Variants in STAU2 observed in about 807,000 individuals in gnomAD.
The protein encoded by STAU2 is double-stranded RNA-binding protein Staufen homolog 2.
STAU2 carries 20 observed loss-of-function variants against 65.9 expected under a neutral mutation model. The ratio of observed to expected loss-of-function variants is 0.30; its 90% confidence interval spans 0.21 to 0.44. STAU2 has a LOEUF of 0.44. Ranked by LOEUF, STAU2 falls within the 20% of genes least tolerant of loss-of-function variation. The pLI, the probability that STAU2 is intolerant of heterozygous loss-of-function variation, is 1.00. For missense variants in STAU2, 558 were observed against 683.9 expected (o/e 0.82, Z 2.05); for synonymous variants, 232 against 233.9 (o/e 0.99, Z 0.07).
chr8:73,486,495 C>G (rs191484586), intron 13 of STAU2, among the ~76,000 whole-genome samples: 102 of 151,668 alleles, frequency 6.7e-4, no homozygotes, highest in Non-Finnish European at 1.0e-4. Context: ...AAACATACTT[C>G]AGACTGGTTT....
chr8:73,722,475 T>C (rs538331726), intron 3 of STAU2, among the ~76,000 whole-genome samples: 4 of 152,382 alleles, frequency 2.6e-5, no homozygotes, highest in Middle Eastern at 3.4e-3. Flanking sequence ...TGCTTCTGTG[T>C]TGTAAACATC....
intron 6 of STAU2, among the ~76,000 whole-genome samples, chr8:73,622,377 G>C (rs952459857): frequency 1.3e-5 from 2 of 151,970 alleles, no homozygotes; most frequent in Non-Finnish European, 2.9e-5. Context: ...CGCCCGCCTC[G>C]GCCTCTCAAA....
intron 3 of STAU2, among the ~76,000 whole-genome samples, chr8:73,726,376 T>C (rs916691931): frequency 6.6e-6 from 1 of 152,198 alleles, no homozygotes; most frequent in African/African-American, 2.4e-5. Flanking sequence ...AAATCACCAC[T>C]AAAGAACTTA....
At chr8:73,561,492 T>C (rs1252449272) in intron 12 of STAU2, 8 of 451,574 alleles carry the variant, frequency 1.8e-5, no homozygotes, top group African/African-American at 8.0e-5. Flanking sequence ...AAGATCGTTC[T>C]TCTTGGTTAT....
At chr8:73,440,786 T>C (rs2128889990) in intron 13 of STAU2, 1 of 152,318 alleles carries the variant, frequency 6.6e-6, no homozygotes, top group Non-Finnish European at 1.5e-5. Context: ...TCATTTCTCT[T>C]AGAACAAAAC....
intron 12 of STAU2, among the ~76,000 whole-genome samples, chr8:73,570,165 C>T (rs375163809): frequency 3.9e-5 from 6 of 152,136 alleles, no homozygotes; most frequent in South Asian, 4.1e-4. Flanking sequence ...AACTACGTGA[C>T]GCATGCACAA....
chr8:73,480,545 G>C (rs927703946), intron 13 of STAU2, among the ~76,000 whole-genome samples: 1 of 151,978 alleles, frequency 6.6e-6, no homozygotes, highest in Non-Finnish European at 1.5e-5. Context: ...GAGAAAGGAG[G>C]GTCCAATGGA....
At chr8:73,675,833 G>C (rs1019331972) in intron 5 of STAU2, among the ~76,000 whole-genome samples, 2 of 152,208 alleles carry the variant, frequency 1.3e-5, no homozygotes, top group Non-Finnish European at 2.9e-5. Flanking sequence ...AGTGAAATCT[G>C]AAATGGAGTC....
At chr8:73,705,813 A>G (rs1820466167) in intron 4 of STAU2, among the ~76,000 whole-genome samples, 1 of 152,206 alleles carries the variant, frequency 6.6e-6, no homozygotes, top group Non-Finnish European at 1.5e-5. Context: ...TAAACGTAAG[A>G]TAGGTCACTA....
intron 13 of STAU2, among the ~76,000 whole-genome samples, chr8:73,484,271 G>A (rs1282050392): frequency 6.6e-6 from 1 of 152,136 alleles, no homozygotes; most frequent in Non-Finnish European, 1.5e-5. Flanking sequence ...AGAAGACAGT[G>A]TTCTGAGGCT....
At chr8:73,629,608 A>T (rs972972988) in intron 6 of STAU2, among the ~76,000 whole-genome samples, 13 of 152,214 alleles carry the variant, frequency 8.5e-5, no homozygotes, top group Non-Finnish European at 1.8e-4. Context: ...GATTTTAGGC[A>T]ATGCAAATAG....
intron 9 of STAU2, among the ~76,000 whole-genome samples, chr8:73,605,878 T>TACACACACACACACAC (rs58486426): frequency 8.5e-6 from 1 of 117,756 alleles, no homozygotes; most frequent in African/African-American, 3.2e-5. Context: ...CACACACACA[T>TACACACACACACACAC]ACACACACAC....
At chr8:73,663,806 C>T (rs536363953) in intron 6 of STAU2, among the ~76,000 whole-genome samples, 2 of 152,218 alleles carry the variant, frequency 1.3e-5, no homozygotes, top group South Asian at 4.1e-4. Context: ...AATATGTTTT[C>T]ACGCTATTTA....
At chr8:73,628,624 T>A (rs1050949416) in intron 6 of STAU2, among the ~76,000 whole-genome samples, 6 of 152,294 alleles carry the variant, frequency 3.9e-5, no homozygotes, top group African/African-American at 1.2e-4. Context: ...AAACGAGCTC[T>A]AGAAAATACT....
intron 3 of STAU2, among the ~76,000 whole-genome samples, chr8:73,723,684 TGTA>T (rs1297957151): frequency 1.3e-5 from 2 of 152,336 alleles, no homozygotes; most frequent in Admixed American, 1.3e-4. Flanking sequence ...TCATCTCAGT[TGTA>T]GTTTTCATCA....
intron 4 of STAU2, among the ~76,000 whole-genome samples, chr8:73,689,328 T>C (rs1016066952): frequency 6.6e-6 from 1 of 152,196 alleles, no homozygotes; most frequent in African/African-American, 2.4e-5. Context: ...ATTCTGTCCA[T>C]TTTAACATCA....
chr8:73,490,908 T>A (rs924771738), intron 13 of STAU2, among the ~76,000 whole-genome samples: 7 of 151,986 alleles, frequency 4.6e-5, no homozygotes, highest in African/African-American at 1.4e-4. Flanking sequence ...ATAAGAAACA[T>A]CCACTTCTGT....
At chr8:73,544,991 TAGGCCTTTAATGAGTACTGCCCAGTGTG>T (rs1806804376) in intron 13 of STAU2, among the ~76,000 whole-genome samples, 4 of 152,194 alleles carry the variant, frequency 2.6e-5, no homozygotes, top group Admixed American at 2.0e-4. Context: ...CCAGCATTTG[TAGGCCTTTAATGAGTACTGCCCAGTGTG>T]AGCAAACAAA....
At chr8:73,538,755 A>G (rs1806343081) in intron 13 of STAU2, among the ~76,000 whole-genome samples, 1 of 152,132 alleles carries the variant, frequency 6.6e-6, no homozygotes, top group African/African-American at 2.4e-5. Context: ...ACCAAGAAAC[A>G]TCAATACTTG....
Sources: allele counts gnomAD v4.1 joint callset (sites outside exome capture counted in the v4.1 genomes callset), GRCh38; gene constraint gnomAD v4.1.1; transcripts MANE v1.5; gene names NCBI Gene and HGNC (gene_info 2026-07-23, HGNC 2026-07-21).